The following ROBO2 variants were observed in gnomAD, a reference collection of about 807,000 sequenced individuals.
ROBO2 encodes roundabout guidance receptor 2, also known as roundabout homolog 2.
ROBO2 carries 53 observed loss-of-function variants against 160.8 expected under a neutral mutation model. That is an observed-to-expected ratio of 0.33 (90% confidence interval 0.26 to 0.41). The LOEUF (loss-of-function observed/expected upper bound fraction) is 0.41. Among genes scored for constraint, ROBO2 ranks in the 10% least tolerant of loss-of-function variants. The pLI is 1.00. For missense variants in ROBO2, 1,577 were observed against 1,722.4 expected, an observed-to-expected ratio of 0.92 and a Z score of 1.49; for synonymous variants, 664 against 611.7, an observed-to-expected ratio of 1.09 and a Z score of -1.26.
At chr3:76,887,056 T>C (rs866708811) in intron 2 of ROBO2, among the ~76,000 whole-genome samples, 1 of 152,206 alleles carries the variant, frequency 6.6e-6, no homozygotes, top group East Asian at 1.9e-4. Context: ...TTTGTATTTA[T>C]TGACAGATTT....
At chr3:76,677,593 G>T (rs1038322167) in intron 2 of ROBO2, among the ~76,000 whole-genome samples, 1 of 152,216 alleles carries the variant, frequency 6.6e-6, no homozygotes, top group South Asian at 2.1e-4. Context: ...AGCAGTTGCC[G>T]TAGCCACAGG....
At chr3:76,276,781 G>A (rs1707948944) in intron 2 of ROBO2, among the ~76,000 whole-genome samples, 1 of 151,944 alleles carries the variant, frequency 6.6e-6, no homozygotes, top group Non-Finnish European at 1.5e-5. Context: ...ATGGGGTGAT[G>A]ATGTCCTTGT....
intron 2 of ROBO2, among the ~76,000 whole-genome samples, chr3:76,370,123 C>G (rs1477584864): frequency 1.3e-5 from 2 of 151,836 alleles, no homozygotes; most frequent in Admixed American, 1.3e-4. Flanking sequence ...TATGATCCAA[C>G]TGGTTCAGGT....
chr3:76,129,152 C>T (rs1347354672), intron 2 of ROBO2, among the ~76,000 whole-genome samples: 7 of 151,800 alleles, frequency 4.6e-5, no homozygotes, highest in Middle Eastern at 3.4e-3. Flanking sequence ...GTGACTTTGG[C>T]GAGGGTGATG....
intron 2 of ROBO2, chr3:77,316,929 A>C (rs2064054264): frequency 4.8e-6 from 6 of 1,246,302 alleles, no homozygotes; most frequent in Non-Finnish European, 7.1e-6. Flanking sequence ...GGTCAGTCTG[A>C]TACTTGGCTG....
At chr3:76,895,864 T>C (rs1010297020) in intron 2 of ROBO2, among the ~76,000 whole-genome samples, 37 of 152,280 alleles carry the variant, frequency 2.4e-4, no homozygotes, top group African/African-American at 6.7e-4. Flanking sequence ...AGAATGTCCT[T>C]TGTATTTCTC....
At chr3:76,963,845 A>C (rs1423470281) in intron 2 of ROBO2, among the ~76,000 whole-genome samples, 1 of 150,642 alleles carries the variant, frequency 6.6e-6, no homozygotes, top group Non-Finnish European at 1.5e-5. Flanking sequence ...GCAAAAAAAA[A>C]AAAAGAAAAA....
At chr3:77,295,118 A>T (rs1328014828) in intron 2 of ROBO2, among the ~76,000 whole-genome samples, 1 of 151,254 alleles carries the variant, frequency 6.6e-6, no homozygotes, top group Non-Finnish European at 1.5e-5. Context: ...AGGTAAGCTG[A>T]GGCTAGGTCA....
At chr3:77,474,045 C>A (rs1342035295) in intron 2 of ROBO2, among the ~76,000 whole-genome samples, 2 of 152,132 alleles carry the variant, frequency 1.3e-5, no homozygotes, top group South Asian at 4.1e-4. Context: ...TTACCTCTGG[C>A]CCCTTCCCTG....
At chr3:76,886,262 AT>A (rs772773992) in intron 2 of ROBO2, among the ~76,000 whole-genome samples, 1,487 of 117,088 alleles carry the variant, frequency 0.013, 18 homozygotes, top group African/African-American at 0.037. Flanking sequence ...CCAAAAAAAT[AT>A]ATATATATAT....
At chr3:76,622,186 AAAAG>A (rs1393865243) in intron 2 of ROBO2, among the ~76,000 whole-genome samples, 2 of 66,866 alleles carry the variant, frequency 3.0e-5, no homozygotes, top group African/African-American at 1.1e-4. Context: ...TCTACTAAAA[AAAAG>A]AAAGGAAGGA....
intron 2 of ROBO2, among the ~76,000 whole-genome samples, chr3:77,032,613 T>G (rs762816265): frequency 6.6e-5 from 10 of 152,274 alleles, no homozygotes; most frequent in Non-Finnish European, 4.4e-5. Context: ...GGTGAAGTCC[T>G]AAAACAAAGA....
intron 2 of ROBO2, among the ~76,000 whole-genome samples, chr3:77,469,463 CTGG>C (rs756598567): frequency 1.3e-5 from 2 of 152,014 alleles, no homozygotes. Context: ...CCTATGGTAA[CTGG>C]TGGTGGTGGT....
At chr3:77,321,416 T>G (rs1315850325) in intron 2 of ROBO2, among the ~76,000 whole-genome samples, 1 of 151,654 alleles carries the variant, frequency 6.6e-6, no homozygotes. Flanking sequence ...GCTTGGGCGG[T>G]TGAGATAGGA....
intron 21 of ROBO2, among the ~76,000 whole-genome samples, chr3:77,609,791 CAT>C (rs34908269): frequency 0.49 from 69,976 of 143,548 alleles, 16,977 homozygotes; most frequent in Middle Eastern, 0.59. Context: ...TTTATATATA[CAT>C]ATATATATAT....
intron 2 of ROBO2, among the ~76,000 whole-genome samples, chr3:77,159,503 G>A (rs1033487589): frequency 1.3e-5 from 2 of 152,110 alleles, no homozygotes; most frequent in Non-Finnish European, 2.9e-5. Flanking sequence ...ACAAGGAGTG[G>A]ATGCCTGGTC....
chr3:76,944,564 G>T (rs773850232), intron 2 of ROBO2, among the ~76,000 whole-genome samples: 7 of 152,130 alleles, frequency 4.6e-5, no homozygotes, highest in Non-Finnish European at 8.8e-5. Context: ...ATAAAATTCA[G>T]TTACATAGTT....
chr3:77,258,667 C>T (rs978443281), intron 2 of ROBO2, among the ~76,000 whole-genome samples: 1 of 151,078 alleles, frequency 6.6e-6, no homozygotes, highest in African/African-American at 2.4e-5. Context: ...TTAAGAATTT[C>T]ATGCCTTTCA....
chr3:76,146,293 C>A (rs2071884705), intron 2 of ROBO2, among the ~76,000 whole-genome samples: 1 of 152,016 alleles, frequency 6.6e-6, no homozygotes, highest in Admixed American at 6.6e-5. Flanking sequence ...TAGGGACTCA[C>A]AATTTCCATC....
Sources: allele counts gnomAD v4.1 joint callset (sites outside exome capture counted in the v4.1 genomes callset), GRCh38; gene constraint gnomAD v4.1.1; transcripts MANE v1.5; gene names NCBI Gene and HGNC (gene_info 2026-07-23, HGNC 2026-07-21).